The following TTC16 variants were observed in gnomAD, a reference collection of about 807,000 sequenced individuals.
TTC16 encodes the protein tetratricopeptide repeat protein 16.
Under a neutral mutation model 80.4 loss-of-function variants are expected in TTC16, and 66 were observed. The observed-to-expected ratio is 0.82, with a 90% CI of 0.67 to 1.01. TTC16 has a LOEUF of 1.01. Ranked by LOEUF, TTC16 falls within the 50% of genes least tolerant of loss-of-function variation. TTC16 has a pLI of 0.00. For synonymous variants in TTC16, 438 were observed against 451.3 expected, an observed-to-expected ratio of 0.97 and a Z score of 0.37; for missense variants, 1,070 against 1,103.2, an observed-to-expected ratio of 0.97 and a Z score of 0.43.
At chr9:127,727,673 G>A in intron 12 of TTC16, 1 of 1,080,646 alleles carries the variant, frequency 9.3e-7, no homozygotes, top group Non-Finnish European at 1.2e-6. Flanking sequence ...GTGTGGGGAT[G>A]TGGGCCCTCA....
Position 127,724,297 on chromosome 9 carries a change from C to T in TTC16, c.1050C>T (p.Gly350=), listed in dbSNP as rs758902927. ...ACAGGCAGGGCGCCTACCAGGAGGG[C>T]GTGCTGCTGCTGAACAAGGCCCTCC... ...HCYRQGAYQE[G]VLLLNKALRD... The change falls in exon 8 of 14, where the codon GGC becomes GGT. Residue 350 remains glycine (G), a synonymous_variant. Transcript: ENST00000373289. 13 of 1,611,318 alleles carry T rather than the reference C, an allele frequency of 8.1e-6. No individual in the cohort carries two copies. Among genetic ancestry groups the T allele is most frequent in the East Asian group, 2.2e-5 (1 of 44,822 alleles).
intron 12 of TTC16, chr9:127,727,776 T>A: frequency 8.3e-6 from 2 of 240,810 alleles, no homozygotes; most frequent in Non-Finnish European, 1.5e-5. Flanking sequence ...TTTTTGTTTT[T>A]GAGTCGGAGT....
At chr9:127,724,636 T>G (rs2256139) in intron 8 of TTC16, 120 bp from the exon 9 acceptor site, 2 of 1,360,174 alleles carry the variant, frequency 1.5e-6, no homozygotes, top group Non-Finnish European at 2.0e-6. Context: ...GGACGGAGAC[T>G]GCGGCGGGGG....
chr9:127,731,435 G>T lies in TTC16; in HGVS notation c.*30G>T. The T allele has an allele frequency of 6.3e-7, 1 of 1,580,774 alleles. No individual in the cohort carries two copies. The highest frequency in any genetic ancestry group is 1.7e-5 in the Admixed American group (1 of 57,312). On this transcript the variant is annotated 3_prime_UTR_variant, in exon 14 of 14. Transcript: ENST00000373289. ...ACCATCCAGACCCTCCCTTCTTGCT[G>T]GGGAGGGGACGAGTTCTACCCACCT... is the stretch of plus-strand genomic sequence containing the variant.
In TTC16 at chr9:127,717,719, C is replaced by G; in HGVS notation, c.373C>G (p.Gln125Glu). The change falls in exon 4 of 14, where the codon CAG becomes GAG. Residue 125 changes from glutamine (Q) to glutamate (E), a missense_variant. Coordinates refer to ENST00000373289, the MANE Select transcript of TTC16 (RefSeq NM_144965.3). Reference protein sequence around the residue: ...AQNLRRAYSLQQDNCKHLERL... With the variant: ...AQNLRRAYSLEQDNCKHLERL... ...GAACCTGCGAAGGGCCTACTCATTA[C>G]AGCAGGACAACTGCAAGCACCTGGA... 1.9e-6 allele frequency: 3 copies of G among 1,614,024 alleles called. No individual in the cohort carries two copies. Among genetic ancestry groups the G allele is most frequent in the Non-Finnish European group, 2.5e-6 (3 of 1,180,042 alleles).
intron 1 of TTC16, 52 bp from the exon 2 acceptor site, chr9:127,716,792 G>A: frequency 1.3e-6 from 2 of 1,567,486 alleles, no homozygotes; most frequent in Non-Finnish European, 1.7e-6. Context: ...GTGTGTCAGT[G>A]GGTGGGGGTC....
rs970051161 is a variant in TTC16 at position 127,718,750 on chromosome 9, C to G, written c.426+978C>G. On this transcript the variant is annotated intron_variant, in intron 4 of 13. Transcript: ENST00000373289. This position sits in a 1 kb window ranked among gnomAD's most constrained non-coding sequence, Gnocchi z 4.6. ...AGGATTACAGATGTGCATCAACATG[C>G]CTGGCTAATTTTTGTACTTTTAATA... Among the ~76,000 whole-genome samples, 7 of 152,052 alleles carry G rather than the reference C, an allele frequency of 4.6e-5. No homozygotes were observed. Among genetic ancestry groups the G allele is most frequent in the East Asian group, 2.0e-4 (1 of 5,128 alleles).
chr9:127,716,125 G>A lies in TTC16; in HGVS notation c.-21G>A, dbSNP rs1156523808. On this transcript the variant is annotated 5_prime_UTR_variant, in exon 1 of 14. Coordinates refer to ENST00000373289, the MANE Select transcript of TTC16 (RefSeq NM_144965.3). The stretch of plus-strand genomic sequence containing the variant: ...GCGAGGTAGTTGGCAGAGGCCTCGG[G>A]GTCCTCCTGGAAGGGGCCTCATGAC... The A allele has an allele frequency of 2.5e-6, 4 of 1,613,982 alleles. No individual in the cohort carries two copies. The highest frequency in any genetic ancestry group is 1.6e-4 in the Middle Eastern group (1 of 6,062).
chr9:127,720,349 C>T lies in TTC16; in HGVS notation c.611C>T (p.Ala204Val). The T allele has an allele frequency of 6.2e-7, 1 of 1,613,402 alleles. No individual in the cohort carries two copies. Among genetic ancestry groups the T allele is most frequent in the Non-Finnish European group, 8.5e-7 (1 of 1,179,982 alleles). The change falls in exon 6 of 14, where the codon GCC (alanine) becomes GTC (valine). Residue 204 changes from alanine to valine, a missense_variant. Transcript: ENST00000373289. ...GAGCTGAAGCAGGACACCACCAACG[C>T]CGATGTCTACATCTTCCGGGCCAGA... is the stretch of plus-strand genomic sequence containing the variant. Reference protein sequence around the residue: ...TNELKQDTTNADVYIFRARLY... With the variant: ...TNELKQDTTNVDVYIFRARLY...
chr9:127,724,796 G>C lies in TTC16; in HGVS notation c.1158G>C (p.Ala386=). The change falls in exon 9 of 14, where the codon GCG becomes GCC. Residue 386 remains alanine, a synonymous_variant. Coordinates refer to ENST00000373289, the MANE Select transcript of TTC16 (RefSeq NM_144965.3). ...FQLGNLAFAE[A]DYQQALALSP... is the part of the protein sequence containing the mutation. ...TGGGCAACCTGGCCTTTGCCGAGGC[G>C]GACTACCAGCAGGCGCTGGCGCTGA... 3 of 1,610,524 alleles carry C rather than the reference G, an allele frequency of 1.9e-6. No homozygotes were observed. The highest frequency in any genetic ancestry group is 2.5e-6 in the Non-Finnish European group (3 of 1,179,270).
rs150618592 is a variant in TTC16, at chr9:127,727,281, G to C, written c.1580G>C (p.Arg527Pro). 144 of 1,564,358 alleles carry C rather than the reference G, an allele frequency of 9.2e-5. No homozygotes were observed. The African/African-American group carries it at 1.7e-3, about 18-fold the overall frequency. ...SPQGIVGMLK[R>P]HELERQKALA... ...GTATCGTTTGGCAGGATGCTTAAAC[G>C]GCACGAGTTGGAGCGCCAGAAGGCC... Residue 527 changes from arginine (R) to proline (P), a missense_variant, in exon 12 of 14, where the codon CGG (arginine) becomes CCG (proline). Arg to Pro is a moderately radical substitution (Grantham distance 103). Transcript: ENST00000373289.
At chr9:127,720,634 T>C (rs1301988586) in intron 6 of TTC16, among the ~76,000 whole-genome samples, 2 of 151,892 alleles carry the variant, frequency 1.3e-5, no homozygotes, top group African/African-American at 4.8e-5. Context: ...CTGCACCCCA[T>C]GGGAAGCAAA....
intron 8 of TTC16, 94 bp downstream of exon 8, chr9:127,724,458 G>T (rs780254577): frequency 6.8e-7 from 1 of 1,471,972 alleles, no homozygotes; most frequent in Non-Finnish European, 9.2e-7. Flanking sequence ...CTGGGGGGAA[G>T]GAGGAAGGGA....
intron 9 of TTC16, among the ~76,000 whole-genome samples, chr9:127,725,198 A>G (rs1843835444): frequency 1.3e-5 from 2 of 151,404 alleles, no homozygotes; most frequent in African/African-American, 4.9e-5. Context: ...CCCTTGAGCC[A>G]GGGAGGCGGA....
chr9:127,717,937 G>A (rs915304840), intron 4 of TTC16, among the ~76,000 whole-genome samples, 165 bp downstream of exon 4: 1 of 152,204 alleles, frequency 6.6e-6, no homozygotes, highest in Non-Finnish European at 1.5e-5. Flanking sequence ...TGCCAGGGTT[G>A]AGTCAAGTTT....
chr9:127,727,282 GC>G lies in TTC16; in HGVS notation c.1582del (p.His528ThrfsTer21). 1 of 1,566,130 alleles carries G rather than the reference GC, an allele frequency of 6.4e-7. No homozygotes were observed. Among genetic ancestry groups the G allele is most frequent in the Non-Finnish European group, 8.7e-7 (1 of 1,153,570 alleles). On this transcript the variant is annotated frameshift_variant, in exon 12 of 14. Transcript: ENST00000373289. LOFTEE classifies it high-confidence loss of function. Reference protein sequence around the residue: ...PQGIVGMLKRHELERQKALAL... With the variant: ...PQGIVGMLKRXELERQKALAL... ...TATCGTTTGGCAGGATGCTTAAACG[GC>G]ACGAGTTGGAGCGCCAGAAGGCCTT...
In TTC16 at chr9:127,731,212, A is replaced by ACTCAAACTGGAGC. The variant is rs1375025703; in HGVS notation, c.2434_2446dup (p.Ser816LysfsTer8). The ACTCAAACTGGAGC allele has an allele frequency of 6.2e-7, 1 of 1,612,576 alleles. No homozygotes were observed. ...TCCACCAAGACTGAGGCTTTCTATGACTCAAACTGGAGCCTCAGCAAAACT... is the reference window on the plus strand; with the variant it reads ...TCCACCAAGACTGAGGCTTTCTATGACTCAAACTGGAGCCTCAAACTGGAGCCTCAGCAAAACT... On this transcript the variant is annotated frameshift_variant, in exon 14 of 14. Transcript: ENST00000373289. LOFTEE classifies it low-confidence loss of function (END_TRUNC).
At chr9:127,716,284 C>T in intron 1 of TTC16, 121 bp downstream of exon 1, 2 of 1,423,804 alleles carry the variant, frequency 1.4e-6, no homozygotes, top group Non-Finnish European at 2.0e-6. Context: ...TCAGGGAAGG[C>T]CCTGGCCGCC....
At chr9:127,720,433 C>A (rs749179697) in intron 6 of TTC16, 38 bp downstream of exon 6, 3 of 1,608,746 alleles carry the variant, frequency 1.9e-6, no homozygotes, top group East Asian at 4.5e-5. Context: ...TGCCCCCCAA[C>A]CTGGGAGTCC....
Sources: allele counts gnomAD v4.1 joint callset (sites outside exome capture counted in the v4.1 genomes callset), GRCh38; gene constraint gnomAD v4.1.1; non-coding constraint Gnocchi (gnomAD v3.1); transcripts MANE v1.5; gene names NCBI Gene and HGNC (gene_info 2026-07-23, HGNC 2026-07-21).